MMD: variants seen among roughly 807,000 people sequenced by gnomAD.
MMD encodes the protein monocyte to macrophage differentiation factor.
In MMD, 22 loss-of-function variants were observed where a neutral mutation model predicts 33.6. That is an observed-to-expected ratio of 0.66 (90% CI 0.47 to 0.94). MMD has a LOEUF of 0.94. Ranked by LOEUF, MMD falls within the 40% of genes least tolerant of loss-of-function variation. MMD has a pLI of 0.00. For missense variants in MMD, 242 were observed against 309.8 expected (o/e 0.78, Z 1.64); for synonymous variants, 97 against 103.2 (o/e 0.94, Z 0.36).
At chr17:55,421,547 G>T in intron 1 of MMD, 123 bp downstream of exon 1, 1 of 1,373,948 alleles carries the variant, frequency 7.3e-7, no homozygotes, top group Non-Finnish European at 1.0e-6. Flanking sequence ...CTGATCCCTG[G>T]CCAAGGTGCG....
chr17:55,404,819 T>C (rs953993240), intron 4 of MMD: 1 of 947,964 alleles, frequency 1.1e-6, no homozygotes, highest in Non-Finnish European at 1.3e-6. Flanking sequence ...CCCAGAACTT[T>C]GGGAGGCCAA....
At chr17:55,408,065 G>A (rs4793791) in intron 3 of MMD, among the ~76,000 whole-genome samples, 79,964 of 152,002 alleles carry the variant, frequency 0.53, 22,207 homozygotes, top group East Asian at 0.8. Context: ...ATAGGGACAG[G>A]GCCCCATGAT....
rs574455344 is a variant in MMD at position 55,411,322 on chromosome 17, T to A, written c.204A>T (p.Gly68=). ...EKITAWIYGM[G]LCALFIVSTV... The stretch of plus-strand genomic sequence containing the variant: ...TAGAAACGATGAAGAGGGCACAGAG[T>A]CCCATTCCATAAATCCATGCTGTTA... Residue 68 remains glycine, a synonymous_variant, in exon 3 of 7, where the codon GGA becomes GGT. Coordinates refer to ENST00000262065, the MANE Select transcript of MMD (RefSeq NM_012329.3). 4.3e-6 allele frequency: 7 copies of A among 1,614,022 alleles called. No homozygotes were observed. In the South Asian group the frequency reaches 7.7e-5, roughly 18 times the overall value.
At position 55,407,734 on chromosome 17, in the gene MMD, A is replaced by T; in HGVS notation, c.344+12T>A. ...AATCACTACCTTCGAAAATAGGAAGACTGTATCTTACCATGGAGCATAAGA... is the reference window on the plus strand; with the variant it reads ...AATCACTACCTTCGAAAATAGGAAGTCTGTATCTTACCATGGAGCATAAGA... On this transcript the variant is annotated intron_variant, in intron 4 of 6. Transcript: ENST00000262065. 1.3e-6 allele frequency: 2 copies of T among 1,589,164 alleles called. No homozygotes were observed. Among genetic ancestry groups the T allele is most frequent in the South Asian group, 1.1e-5 (1 of 87,294 alleles).
At chr17:55,407,992 G>A (rs1907621313) in intron 3 of MMD, among the ~76,000 whole-genome samples, 172 bp from the exon 4 acceptor site, 1 of 152,136 alleles carries the variant, frequency 6.6e-6, no homozygotes, top group Non-Finnish European at 1.5e-5. Context: ...GAAGTCACGA[G>A]TAAAAGCTTT....
chr17:55,403,384 G>T (rs1242867546), intron 5 of MMD, among the ~76,000 whole-genome samples: 7 of 152,000 alleles, frequency 4.6e-5, no homozygotes, highest in Admixed American at 3.9e-4. Flanking sequence ...TAGGTATATT[G>T]TACTGAGCAC....
At chr17:55,401,781 T>C (rs1284533274) in intron 5 of MMD, among the ~76,000 whole-genome samples, 4 of 151,930 alleles carry the variant, frequency 2.6e-5, no homozygotes, top group Non-Finnish European at 5.9e-5. Context: ...ACCTAGAAAA[T>C]GTTTTCTGCC....
At chr17:55,415,697 G>C (rs1907942735) in intron 1 of MMD, among the ~76,000 whole-genome samples, 1 of 152,166 alleles carries the variant, frequency 6.6e-6, no homozygotes, top group East Asian at 1.9e-4. Flanking sequence ...AGTTCAGGTG[G>C]AAAATCCACT....
chr17:55,417,447 G>A (rs913718086), intron 1 of MMD, among the ~76,000 whole-genome samples: 1 of 151,996 alleles, frequency 6.6e-6, no homozygotes, highest in Non-Finnish European at 1.5e-5. Flanking sequence ...CTTCCTGCTT[G>A]ACCCAGTACA....
At chr17:55,420,728 G>A (rs1052273862) in intron 1 of MMD, among the ~76,000 whole-genome samples, 1 of 152,146 alleles carries the variant, frequency 6.6e-6, no homozygotes, top group Non-Finnish European at 1.5e-5. Context: ...GTGAAGGTCC[G>A]GGAATTCACA....
chr17:55,403,914 G>T, intron 4 of MMD, 46 bp from the exon 5 acceptor site: 1 of 1,436,018 alleles, frequency 7.0e-7, no homozygotes, highest in South Asian at 1.2e-5. Flanking sequence ...GATAAATGAA[G>T]GGAATTCATA....
chr17:55,411,697 T>G (rs1907770654), intron 2 of MMD, among the ~76,000 whole-genome samples: 1 of 90,748 alleles, frequency 1.1e-5, no homozygotes, highest in African/African-American at 5.4e-5. Context: ...AACAGATGGT[T>G]TTTTTTTTTT....
At chr17:55,401,995 AATGGCGTGAACCCG>A (rs1907353017) in intron 5 of MMD, among the ~76,000 whole-genome samples, 1 of 86,934 alleles carries the variant, frequency 1.2e-5, no homozygotes, top group Non-Finnish European at 2.3e-5. Flanking sequence ...CGTGAACCCG[AATGGCGTGAACCCG>A]GGAGGCGGGG....
chr17:55,407,782 A>G lies in MMD; in HGVS notation c.308T>C (p.Val103Ala), dbSNP rs897245085. ...AGAAGCAGCAATGAAGAAATAGATA[A>G]CCATTCTATCACACATGTGAAAACA... Reference protein sequence around the residue: ...EHCFHMCDRMVIYFFIAASYA... With the variant: ...EHCFHMCDRMAIYFFIAASYA... The change falls in exon 4 of 7, where the codon GTT becomes GCT. Residue 103 changes from valine (V) to alanine (A), a missense_variant. Transcript: ENST00000262065. 10 of 1,599,092 alleles carry G rather than the reference A, an allele frequency of 6.3e-6. No homozygotes were observed. The highest frequency in any genetic ancestry group is 7.7e-6 in the Non-Finnish European group (9 of 1,176,170).
intron 1 of MMD, among the ~76,000 whole-genome samples, chr17:55,418,657 G>C (rs1182634678): frequency 1.3e-5 from 2 of 152,212 alleles, no homozygotes; most frequent in African/African-American, 4.8e-5. Flanking sequence ...AGTGTCTACT[G>C]TCAATAGTGC....
In MMD at chr17:55,421,735, C is replaced by T. The variant is rs1399023843; in HGVS notation, c.-40G>A. 5 of 1,567,378 alleles carry T rather than the reference C, an allele frequency of 3.2e-6. No homozygotes were observed. The highest frequency in any genetic ancestry group is 4.3e-6 in the Non-Finnish European group (5 of 1,160,126). On this transcript the variant is annotated 5_prime_UTR_variant, in exon 1 of 7. Transcript: ENST00000262065. Reference sequence around the variant, plus strand: ...TCCTCGGGGGCCAGGAGCTCCGTCTCGTCAGCACCGGCGGCCGGGCGCGCG... The same window carrying T: ...TCCTCGGGGGCCAGGAGCTCCGTCTTGTCAGCACCGGCGGCCGGGCGCGCG...
rs1906988499 is a variant in MMD at position 55,393,355 on chromosome 17, T to C, written c.*979A>G. 1 of 151,612 alleles carries C rather than the reference T, an allele frequency of 6.6e-6. No homozygotes were observed. Among genetic ancestry groups the C allele is most frequent in the Non-Finnish European group, 1.5e-5 (1 of 67,918 alleles). 9.4% of individuals were successfully genotyped at this position (151,612 alleles called of 1,614,324 possible). A position where few individuals can be genotyped will look rare whatever the true frequency, so the allele number is the denominator to read the frequency against. ...TTTAAAATAAATATCAAACTGACAATATAAAGCTAAGTGACAATGACTTAA... is the reference window on the plus strand; with the variant it reads ...TTTAAAATAAATATCAAACTGACAACATAAAGCTAAGTGACAATGACTTAA... On this transcript the variant is annotated 3_prime_UTR_variant, in exon 7 of 7. Transcript: ENST00000262065.
intron 1 of MMD, among the ~76,000 whole-genome samples, chr17:55,417,947 C>A (rs1908033378): frequency 6.6e-6 from 1 of 152,216 alleles, no homozygotes; most frequent in Admixed American, 6.5e-5. Context: ...GCCTCACTAC[C>A]CCTCCAGTCT....
At chr17:55,408,804 C>T (rs1567849358) in intron 3 of MMD, among the ~76,000 whole-genome samples, 1 of 152,108 alleles carries the variant, frequency 6.6e-6, no homozygotes, top group Non-Finnish European at 1.5e-5. Context: ...AATTTGAGAC[C>T]AGCCTGGCCA....
Sources: gnomAD v4.1 joint callset for allele counts (sites outside exome capture counted in the v4.1 genomes callset) on GRCh38, gnomAD v4.1.1 for gene constraint, MANE v1.5 for transcripts, NCBI Gene and HGNC (gene_info 2026-07-23, HGNC 2026-07-21) for gene names.